The following GRID2 variants were observed in gnomAD, a reference collection of about 807,000 sequenced individuals.
The protein encoded by GRID2 is glutamate ionotropic receptor delta type subunit 2, also known as glutamate receptor ionotropic, delta-2.
In GRID2, 33 loss-of-function variants were observed where a neutral mutation model predicts 114.8. The observed-to-expected ratio is 0.29, with a 90% CI of 0.22 to 0.38. GRID2 has a LOEUF of 0.38. Among genes scored for constraint, GRID2 ranks in the 10% least tolerant of loss-of-function variants. The pLI is 1.00. For missense variants in GRID2, 1,184 were observed against 1,257.7 expected (o/e 0.94, Z 0.89); for synonymous variants, 505 against 449.9 (o/e 1.12, Z -1.55).
chr4:93,200,560 C>T (rs1579271710), intron 4 of GRID2, among the ~76,000 whole-genome samples: 1 of 132,046 alleles, frequency 7.6e-6, no homozygotes, highest in East Asian at 2.1e-4. Context: ...AGCGAGACTC[C>T]GTCTCAAAAC....
chr4:93,297,287 T>C (rs1380993337), intron 8 of GRID2, among the ~76,000 whole-genome samples: 1 of 152,162 alleles, frequency 6.6e-6, no homozygotes, highest in Non-Finnish European at 1.5e-5. Context: ...AAATGAACAA[T>C]AAAATTACCG....
chr4:93,216,051 G>C (rs1411149454), intron 5 of GRID2, among the ~76,000 whole-genome samples: 1 of 151,840 alleles, frequency 6.6e-6, no homozygotes, highest in East Asian at 1.9e-4. Flanking sequence ...AATTTGTTTA[G>C]ATAAAATTAA....
chr4:93,080,067 C>A (rs1368036155), intron 2 of GRID2, among the ~76,000 whole-genome samples: 1 of 151,976 alleles, frequency 6.6e-6, no homozygotes, highest in Non-Finnish European at 1.5e-5. Context: ...TTGATGAGGT[C>A]CCAAATATAG....
chr4:92,509,045 C>T (rs907397824), intron 1 of GRID2, among the ~76,000 whole-genome samples: 3 of 151,562 alleles, frequency 2.0e-5, no homozygotes, highest in Non-Finnish European at 2.9e-5. Context: ...ATAGCCTGGG[C>T]GACAGAGTGA....
intron 2 of GRID2, among the ~76,000 whole-genome samples, chr4:92,657,131 TG>T (rs1161550504): frequency 6.6e-6 from 1 of 151,642 alleles, no homozygotes; most frequent in Non-Finnish European, 1.5e-5. Flanking sequence ...ATATATATTT[TG>T]GGGAAGAAAG....
intron 2 of GRID2, among the ~76,000 whole-genome samples, chr4:92,631,203 T>A (rs981833942): frequency 6.6e-6 from 1 of 152,006 alleles, no homozygotes; most frequent in Admixed American, 6.6e-5. Context: ...CCAAAAACTA[T>A]AGAACTCAGA....
At chr4:93,216,637 A>G in intron 5 of GRID2, 101 bp from the exon 6 acceptor site, 3 of 763,558 alleles carry the variant, frequency 3.9e-6, no homozygotes, top group Non-Finnish European at 6.6e-6. Flanking sequence ...AATATATTAC[A>G]GTAACAGAAT....
intron 2 of GRID2, among the ~76,000 whole-genome samples, chr4:92,608,630 T>G (rs1315908745): frequency 6.6e-6 from 1 of 151,880 alleles, no homozygotes. Context: ...GCTGTGCTCT[T>G]ACATGAAAAC....
chr4:93,097,908 A>G (rs1731363448), intron 3 of GRID2, among the ~76,000 whole-genome samples: 1 of 151,986 alleles, frequency 6.6e-6, no homozygotes, highest in African/African-American at 2.4e-5. Context: ...CAATAAGTAA[A>G]TAAAATGATA....
chr4:92,647,053 T>C (rs1451182500), intron 2 of GRID2, among the ~76,000 whole-genome samples: 3 of 152,232 alleles, frequency 2.0e-5, no homozygotes, highest in Admixed American at 6.5e-5. Flanking sequence ...AAATGTACAA[T>C]GATCGGTTAG....
intron 2 of GRID2, among the ~76,000 whole-genome samples, chr4:92,669,101 C>T (rs1160362001): frequency 1.3e-5 from 2 of 151,610 alleles, no homozygotes; most frequent in Non-Finnish European, 2.9e-5. Flanking sequence ...ACATTTTCTG[C>T]CTTTGAAAAA....
intron 2 of GRID2, among the ~76,000 whole-genome samples, chr4:92,872,911 T>C (rs1390605420): frequency 6.6e-6 from 1 of 152,248 alleles, no homozygotes; most frequent in Non-Finnish European, 1.5e-5. Context: ...GTACATGCTC[T>C]TACTCAAGAA....
chr4:93,386,346 G>A (rs1764309430), intron 8 of GRID2, among the ~76,000 whole-genome samples: 1 of 152,000 alleles, frequency 6.6e-6, no homozygotes, highest in South Asian at 2.1e-4. Flanking sequence ...AATTCTGACA[G>A]GATTATAGCA....
At chr4:93,678,478 G>C (rs911624234) in intron 14 of GRID2, among the ~76,000 whole-genome samples, 2 of 151,918 alleles carry the variant, frequency 1.3e-5, no homozygotes, top group Non-Finnish European at 2.9e-5. Context: ...ATAATTATCA[G>C]ATTCACCAAA....
chr4:93,598,977 A>T (rs1346127565), intron 13 of GRID2, among the ~76,000 whole-genome samples: 4 of 152,196 alleles, frequency 2.6e-5, no homozygotes, highest in Non-Finnish European at 5.9e-5. Context: ...TGTTAATGCT[A>T]ATTTTTTCTT....
At chr4:93,051,603 A>AT (rs1316318293) in intron 2 of GRID2, among the ~76,000 whole-genome samples, 1 of 152,050 alleles carries the variant, frequency 6.6e-6, no homozygotes, top group Non-Finnish European at 1.5e-5. Context: ...TGAAGAAGCT[A>AT]TTGATGGGGA....
At chr4:92,316,199 A>T (rs1045292971) in intron 1 of GRID2, among the ~76,000 whole-genome samples, 1 of 151,620 alleles carries the variant, frequency 6.6e-6, no homozygotes, top group African/African-American at 2.4e-5. Flanking sequence ...CTGTGAATGG[A>T]AATAACAGAA....
chr4:92,763,973 T>C (rs978927673), intron 2 of GRID2, among the ~76,000 whole-genome samples: 1 of 152,142 alleles, frequency 6.6e-6, no homozygotes, highest in African/African-American at 2.4e-5. Context: ...GAAAAATTTA[T>C]TTATGTTAAA....
chr4:92,788,485 T>G (rs1739422282), intron 2 of GRID2, among the ~76,000 whole-genome samples: 1 of 151,966 alleles, frequency 6.6e-6, no homozygotes, highest in Non-Finnish European at 1.5e-5. Context: ...GATGCACATG[T>G]GTTCATCCTT....
Sources: gnomAD v4.1 joint callset for allele counts (sites outside exome capture counted in the v4.1 genomes callset) on GRCh38, gnomAD v4.1.1 for gene constraint, MANE v1.5 for transcripts, NCBI Gene and HGNC (gene_info 2026-07-23, HGNC 2026-07-21) for gene names.